The following SLC9A3 variants were observed in gnomAD, a reference collection of about 807,000 sequenced individuals.
The protein encoded by SLC9A3 is solute carrier family 9 member A3, also known as sodium/hydrogen exchanger 3.
A neutral mutation model predicts 86.8 loss-of-function variants in SLC9A3; 37 were observed. That is an observed-to-expected ratio of 0.43 (90% CI 0.33 to 0.56). SLC9A3 has a LOEUF of 0.56. Among genes scored for constraint, SLC9A3 ranks in the 20% least tolerant of loss-of-function variants. The pLI is 0.06. For synonymous variants in SLC9A3, 581 were observed against 528.3 expected (o/e 1.10, Z -1.37); for missense variants, 1,011 against 1,171.9 (o/e 0.86, Z 2.00).
chr5:502,124 C>G (rs1420802078), intron 1 of SLC9A3, among the ~76,000 whole-genome samples: 2 of 152,266 alleles, frequency 1.3e-5, no homozygotes, highest in Admixed American at 1.3e-4. Flanking sequence ...ATGTTGCCCA[C>G]GGTTCCCTAG....
intron 10 of SLC9A3, chr5:479,050 T>C (rs1738972291): frequency 6.5e-6 from 1 of 153,060 alleles, no homozygotes; most frequent in East Asian, 1.9e-4. Flanking sequence ...GTCTGCAGGG[T>C]TTGGCAGGAC....
rs961460392 is a variant in SLC9A3, at chr5:482,966, G to A, written c.1154-216C>T. Among the ~76,000 whole-genome samples the A allele has an allele frequency of 2.6e-5, 4 of 151,754 alleles. No homozygotes were observed. The South Asian group carries it at 6.3e-4, about 24-fold the overall frequency. On this transcript the variant is annotated intron_variant, in intron 6 of 16. Transcript: ENST00000264938. ...CCCACGCTCCGTGCATCACACACAC[G>A]GGTGCTGGGGGATGGGGCTGGGCGG...
chr5:510,984 C>T (rs1354055567), intron 1 of SLC9A3, among the ~76,000 whole-genome samples: 15 of 152,204 alleles, frequency 9.9e-5, no homozygotes, highest in African/African-American at 2.7e-4. Context: ...CTGCAGGTCC[C>T]ACCCTGCATT....
Position 483,402 on chromosome 5 carries a change from G to A in SLC9A3, c.1013C>T (p.Thr338Ile). The change falls in exon 6 of 17, where the codon ACC (threonine) becomes ATC (isoleucine). Residue 338 changes from threonine to isoleucine, a missense_variant. Thr to Ile is a moderately conservative substitution (Grantham distance 89). Coordinates refer to ENST00000264938, the MANE Select transcript of SLC9A3 (RefSeq NM_004174.4). ...SEQSATTVRY[T>I]MKMLASSAET... is the part of the protein sequence containing the mutation. ...GGCGCTGCTGGCCAGCATCTTCATG[G>A]TGTAGCGCACGGTGGTGGCCGACTG... The A allele has an allele frequency of 6.3e-7, 1 of 1,580,724 alleles. No individual in the cohort carries two copies.
chr5:482,008 C>T, intron 8 of SLC9A3, 60 bp downstream of exon 8: 1 of 439,002 alleles, frequency 2.3e-6, no homozygotes, highest in Non-Finnish European at 4.1e-6. Context: ...CCTCTCCCCT[C>T]TCAGCCCAGC....
intron 2 of SLC9A3, among the ~76,000 whole-genome samples, chr5:489,484 G>T (rs557929383): frequency 6.6e-6 from 1 of 152,166 alleles, no homozygotes; most frequent in South Asian, 2.1e-4. Flanking sequence ...CTGGCCAGGG[G>T]TTTCTGTGCT....
Position 471,497 on chromosome 5 carries a change from C to T in SLC9A3, c.*1882G>A, listed in dbSNP as rs1738355384. The T allele has an allele frequency of 5.8e-6, 2 of 343,834 alleles. No individual in the cohort carries two copies. Among genetic ancestry groups the T allele is most frequent in the Admixed American group, 8.1e-5 (2 of 24,748 alleles). The allele number at this position is 343,834 out of a possible 1,614,324, so 21.3% of individuals were successfully genotyped here. A position where few individuals can be genotyped will look rare whatever the true frequency, so the allele number is the denominator to read the frequency against. On this transcript the variant is annotated 3_prime_UTR_variant, in exon 17 of 17. Transcript: ENST00000264938. ...CTCCCAGCAGTTCAGATGGGACAAACTGGGGGCCTGTCAGAACAGCCACTT... is the reference window on the plus strand; with the variant it reads ...CTCCCAGCAGTTCAGATGGGACAAATTGGGGGCCTGTCAGAACAGCCACTT...
chr5:519,641 C>T (rs1165481547), intron 1 of SLC9A3, among the ~76,000 whole-genome samples: 1 of 152,122 alleles, frequency 6.6e-6, no homozygotes, highest in Non-Finnish European at 1.5e-5. Context: ...GGACGACCTC[C>T]TGCACCCACC....
chr5:512,833 C>T, intron 1 of SLC9A3, among the ~76,000 whole-genome samples: 1 of 152,166 alleles, frequency 6.6e-6, no homozygotes, highest in East Asian at 1.9e-4. Flanking sequence ...CAGGCTGCGG[C>T]ACCCCTGGAG....
In SLC9A3 at chr5:521,246, C is replaced by G. The variant is rs1329263108; in HGVS notation, c.211+2866G>C. ...GCCCTTGCCGGAGCCAGACACGCGG[C>G]CTGAGGCTGGTGGGCCAACAGCAGC... On this transcript the variant is annotated intron_variant, in intron 1 of 16. Coordinates refer to ENST00000264938, the MANE Select transcript of SLC9A3 (RefSeq NM_004174.4). 2.0e-5 allele frequency among the ~76,000 whole-genome samples: 3 copies of G among 151,274 alleles called. No individual in the cohort carries two copies. In the East Asian group the frequency reaches 5.8e-4, roughly 29 times the overall value.
At chr5:507,247 C>T (rs1333043667) in intron 1 of SLC9A3, among the ~76,000 whole-genome samples, 4 of 107,440 alleles carry the variant, frequency 3.7e-5, no homozygotes, top group Non-Finnish European at 6.8e-5. Flanking sequence ...GGGCTCACTG[C>T]AAGCTCCGCT....
At chr5:478,274 A>G (rs1344549711) in intron 10 of SLC9A3, 1 of 152,232 alleles carries the variant, frequency 6.6e-6, no homozygotes, top group African/African-American at 2.4e-5. Flanking sequence ...CATCTTCTGT[A>G]TGACCTTTGT....
chr5:521,953 G>A (rs1329596642), intron 1 of SLC9A3, among the ~76,000 whole-genome samples: 1 of 152,232 alleles, frequency 6.6e-6, no homozygotes, highest in African/African-American at 2.4e-5. Flanking sequence ...GACACCCTGG[G>A]GGCCAATCCG....
intron 5 of SLC9A3, among the ~76,000 whole-genome samples, chr5:484,055 C>G (rs1739350517): frequency 6.6e-6 from 1 of 152,178 alleles, no homozygotes; most frequent in Admixed American, 6.5e-5. Context: ...CGGCTGGCAC[C>G]TCCCTCCGAG....
chr5:475,748 G>C, intron 14 of SLC9A3, 77 bp from the exon 15 acceptor site: 1 of 858,916 alleles, frequency 1.2e-6, no homozygotes, highest in Non-Finnish European at 1.9e-6. Flanking sequence ...GTGTCCATCA[G>C]CTCTGTGCAC....
intron 1 of SLC9A3, among the ~76,000 whole-genome samples, chr5:516,536 C>T (rs1240840147): frequency 6.6e-6 from 1 of 152,234 alleles, no homozygotes; most frequent in Non-Finnish European, 1.5e-5. Flanking sequence ...GGTGTGTCTG[C>T]ATCTTCCGAG....
intron 1 of SLC9A3, among the ~76,000 whole-genome samples, chr5:511,076 T>C (rs1236408933): frequency 6.6e-6 from 1 of 152,022 alleles, no homozygotes; most frequent in Non-Finnish European, 1.5e-5. Flanking sequence ...GATCCCAAAA[T>C]ATCGAACACA....
At chr5:498,471 C>T (rs140400712) in intron 1 of SLC9A3, among the ~76,000 whole-genome samples, 6,032 of 152,258 alleles carry the variant, frequency 0.04, 411 homozygotes, top group African/African-American at 0.13. Flanking sequence ...GGCACCACCT[C>T]GGCTCACTGC....
rs966552511 is a variant in SLC9A3 at position 491,014 on chromosome 5, T to A, written c.514+755A>T. Among the ~76,000 whole-genome samples the A allele has an allele frequency of 6.6e-6, 1 of 152,248 alleles. No individual in the cohort carries two copies. The highest frequency in any genetic ancestry group is 1.5e-5 in the Non-Finnish European group (1 of 68,042). The stretch of plus-strand genomic sequence containing the variant: ...CCCATGGAGAGGCCGGGCCGTGCTC[T>A]CTCTTGAACCAGACGGAAAATCGCC... On this transcript the variant is annotated intron_variant, in intron 2 of 16. Transcript: ENST00000264938. The surrounding 1 kb of genome is among the most constrained non-coding windows in gnomAD (Gnocchi z 9.2).
Sources: allele counts gnomAD v4.1 joint callset (sites outside exome capture counted in the v4.1 genomes callset), GRCh38; gene constraint gnomAD v4.1.1; non-coding constraint Gnocchi (gnomAD v3.1); transcripts MANE v1.5; gene names NCBI Gene and HGNC (gene_info 2026-07-23, HGNC 2026-07-21).